Variants in APELA observed in about 807,000 individuals in gnomAD.
The protein encoded by APELA is apelin receptor early endogenous ligand, also known as protein Elabela.
chr4:164,898,110 C>G (rs535378519), downstream of APELA, among the ~76,000 whole-genome samples: 1 of 151,966 alleles, frequency 6.6e-6, no homozygotes, highest in Non-Finnish European at 1.5e-5. Flanking sequence ...AGGCCGGTCC[C>G]GAACTCCTGA....
At chr4:164,881,655 T>G (rs896843292) in intron 2 of APELA, among the ~76,000 whole-genome samples, 1 of 150,888 alleles carries the variant, frequency 6.6e-6, no homozygotes, top group Non-Finnish European at 1.5e-5. Flanking sequence ...GGCCCTAGAG[T>G]GGAAAATGAG....
At chr4:164,881,872 CAAAA>C (rs11340116) in intron 2 of APELA, among the ~76,000 whole-genome samples, 1 of 139,826 alleles carries the variant, frequency 7.2e-6, no homozygotes. Context: ...TTGTCTCTAC[CAAAA>C]AAAAAAAAAA....
downstream of APELA, among the ~76,000 whole-genome samples, chr4:164,897,826 A>T (rs1236983130): frequency 2.6e-5 from 4 of 152,174 alleles, no homozygotes; most frequent in Non-Finnish European, 5.9e-5. Context: ...CCGGGAGGTA[A>T]ATGAGACCAG....
intron 2 of APELA, among the ~76,000 whole-genome samples, chr4:164,888,416 C>G (rs1730819228): frequency 6.6e-6 from 1 of 152,114 alleles, no homozygotes; most frequent in East Asian, 1.9e-4. Context: ...GCATGATATC[C>G]TATTTAATTT....
At chr4:164,882,187 T>C (rs1177291800) in intron 2 of APELA, among the ~76,000 whole-genome samples, 2 of 152,134 alleles carry the variant, frequency 1.3e-5, no homozygotes, top group Non-Finnish European at 2.9e-5. Flanking sequence ...CACCGGAGCC[T>C]CCACCTTCCA....
chr4:164,879,213 A>T (rs1052304388), intron 2 of APELA: 49 of 370,986 alleles, frequency 1.3e-4, no homozygotes, highest in African/African-American at 1.0e-3. Context: ...AGAAAATTAG[A>T]CAGATGAGGA....
chr4:164,898,500 C>A (rs1731018012), downstream of APELA, among the ~76,000 whole-genome samples: 1 of 124,124 alleles, frequency 8.1e-6, no homozygotes, highest in African/African-American at 3.6e-5. Context: ...AAAACTCTGC[C>A]TCAAAAAAAA....
intron 2 of APELA, among the ~76,000 whole-genome samples, chr4:164,881,991 C>T (rs534821745): frequency 1.8e-4 from 27 of 152,112 alleles, no homozygotes; most frequent in Non-Finnish European, 3.7e-4. Flanking sequence ...CTGCAGTGAG[C>T]TATGATTATG....
chr4:164,889,538 T>C (rs1730840715), intron 2 of APELA, among the ~76,000 whole-genome samples: 1 of 152,144 alleles, frequency 6.6e-6, no homozygotes, highest in African/African-American at 2.4e-5. Flanking sequence ...TTTGTACATA[T>C]GAAAACAGTA....
At chr4:164,890,534 T>C (rs1730859984) in intron 2 of APELA, among the ~76,000 whole-genome samples, 1 of 152,192 alleles carries the variant, frequency 6.6e-6, no homozygotes, top group Non-Finnish European at 1.5e-5. Flanking sequence ...TTTCACTTAA[T>C]GTTTTCAGGG....
At chr4:164,890,139 G>A (rs1324929228) in intron 2 of APELA, among the ~76,000 whole-genome samples, 1 of 152,020 alleles carries the variant, frequency 6.6e-6, no homozygotes, top group Non-Finnish European at 1.5e-5. Context: ...TTTGAACAAC[G>A]CTGCAGTGAA....
rs1361905628 is a variant in APELA, at chr4:164,896,226, G to A, written c.*812G>A. On this transcript the variant is annotated 3_prime_UTR_variant, in exon 3 of 3. Transcript: ENST00000507152. ...CTCGTGCCTCAACCTCCCAATTATA[G>A]GCTGGGATTACAGGTGTGCACCACT... is the stretch of plus-strand genomic sequence containing the variant. 2.0e-5 allele frequency: 3 copies of A among 151,968 alleles called. No individual in the cohort carries two copies. Among genetic ancestry groups the A allele is most frequent in the Admixed American group, 6.6e-5 (1 of 15,240 alleles). The allele number at this position is 151,968 out of a possible 1,614,324, so 9.4% of individuals were successfully genotyped here. A position where few individuals can be genotyped will look rare whatever the true frequency, so the allele number is the denominator to read the frequency against.
intron 2 of APELA, among the ~76,000 whole-genome samples, chr4:164,886,134 C>G (rs1270733691): frequency 6.6e-6 from 1 of 152,212 alleles, no homozygotes; most frequent in Non-Finnish European, 1.5e-5. Context: ...TCCTTGAAGA[C>G]AAGATTTAGC....
At chr4:164,890,247 T>C (rs1459019229) in intron 2 of APELA, among the ~76,000 whole-genome samples, 1 of 152,212 alleles carries the variant, frequency 6.6e-6, no homozygotes, top group Non-Finnish European at 1.5e-5. Context: ...TTTTTTTCAG[T>C]TATCATTTAT....
At chr4:164,894,452 T>C (rs1730935503) in intron 2 of APELA, among the ~76,000 whole-genome samples, 1 of 152,088 alleles carries the variant, frequency 6.6e-6, no homozygotes, top group African/African-American at 2.4e-5. Context: ...AGTCTTGCTC[T>C]GTCACCCAGG....
chr4:164,885,170 G>A (rs531328426), intron 2 of APELA, among the ~76,000 whole-genome samples: 12 of 152,044 alleles, frequency 7.9e-5, no homozygotes, highest in African/African-American at 2.4e-4. Context: ...TTGCTCTGTC[G>A]CCCAGGCTGG....
chr4:164,886,284 A>G (rs1730769132), intron 2 of APELA, among the ~76,000 whole-genome samples: 1 of 152,224 alleles, frequency 6.6e-6, no homozygotes, highest in African/African-American at 2.4e-5. Flanking sequence ...ATCACAGCCC[A>G]GTGTCCAAAA....
chr4:164,894,567 GC>G (rs1172751073), intron 2 of APELA, among the ~76,000 whole-genome samples: 6 of 151,958 alleles, frequency 3.9e-5, no homozygotes, highest in African/African-American at 1.4e-4. Context: ...ACCATGCCCA[GC>G]TAAATTTTGT....
chr4:164,892,325 G>GA (rs920436374), intron 2 of APELA, among the ~76,000 whole-genome samples: 3 of 151,624 alleles, frequency 2.0e-5, no homozygotes, highest in Admixed American at 6.6e-5. Flanking sequence ...TGTCTCAAAA[G>GA]AAAAAAACAT....
Sources: gnomAD v4.1 joint callset for allele counts (sites outside exome capture counted in the v4.1 genomes callset) on GRCh38, gnomAD v4.1.1 for gene constraint, MANE v1.5 for transcripts, NCBI Gene and HGNC (gene_info 2026-07-23, HGNC 2026-07-21) for gene names.